The following PRKD1 variants were observed in gnomAD, a reference collection of about 807,000 sequenced individuals.
PRKD1 encodes serine/threonine-protein kinase D1.
PRKD1 carries 63 observed loss-of-function variants against 95.9 expected under a neutral mutation model. The observed-to-expected ratio is 0.66, with a 90% CI of 0.54 to 0.81. The LOEUF (loss-of-function observed/expected upper bound fraction) is 0.81. Among genes scored for constraint, PRKD1 ranks in the 30% least tolerant of loss-of-function variants. PRKD1 has a pLI of 0.00. For synonymous variants in PRKD1, 425 were observed against 423.1 expected (o/e 1.00, Z -0.05); for missense variants, 1,048 against 1,165.3 (o/e 0.90, Z 1.47).
chr14:29,677,079 TAAC>T (rs1246570132), intron 2 of PRKD1, among the ~76,000 whole-genome samples: 1 of 152,190 alleles, frequency 6.6e-6, no homozygotes, highest in Admixed American at 6.5e-5. Flanking sequence ...AGAGAGAATT[TAAC>T]AACAACAAAA....
rs193179032 is a variant in PRKD1, at chr14:29,853,960, C to A, written c.264+73289G>T. On this transcript the variant is annotated intron_variant, in intron 1 of 17. Transcript: ENST00000331968. The stretch of plus-strand genomic sequence containing the variant: ...CTTGCTTTCCACAATGATTGTGATA[C>A]CTCCCCAGCCATGTAGAACTGTAAG... 2.9e-3 allele frequency among the ~76,000 whole-genome samples: 449 copies of A among 152,290 alleles called. 4 individuals carry two copies. Among genetic ancestry groups the A allele is most frequent in the Non-Finnish European group, 4.8e-3 (324 of 68,026 alleles).
intron 1 of PRKD1, among the ~76,000 whole-genome samples, chr14:29,922,335 G>T (rs77231682): frequency 6.6e-6 from 1 of 150,432 alleles, no homozygotes; most frequent in Non-Finnish European, 1.5e-5. Flanking sequence ...AAGAAAAAAA[G>T]AAAAATGTAA....
chr14:29,779,862 G>A (rs1409182558), intron 1 of PRKD1, among the ~76,000 whole-genome samples: 1 of 152,128 alleles, frequency 6.6e-6, no homozygotes, highest in Non-Finnish European at 1.5e-5. Flanking sequence ...AAAGCTGGAG[G>A]CATCATGCTA....
At chr14:29,657,345 C>A (rs1266243960) in intron 4 of PRKD1, 1 of 152,186 alleles carries the variant, frequency 6.6e-6, no homozygotes, top group Non-Finnish European at 1.5e-5. Flanking sequence ...ATCAAAACTA[C>A]AATATAGTTC....
At chr14:29,916,482 C>T (rs1275027455) in intron 1 of PRKD1, among the ~76,000 whole-genome samples, 1 of 152,190 alleles carries the variant, frequency 6.6e-6, no homozygotes, top group Non-Finnish European at 1.5e-5. Flanking sequence ...AAAGTCATCA[C>T]CAAAGATTAA....
At chr14:29,924,324 A>G (rs924153367) in intron 1 of PRKD1, among the ~76,000 whole-genome samples, 2 of 152,266 alleles carry the variant, frequency 1.3e-5, no homozygotes, top group Admixed American at 6.5e-5. Flanking sequence ...TACCATCACA[A>G]TGTTTCAAGT....
intron 2 of PRKD1, among the ~76,000 whole-genome samples, chr14:29,677,239 CTG>C (rs1430162971): frequency 6.6e-6 from 1 of 152,176 alleles, no homozygotes; most frequent in East Asian, 1.9e-4. Context: ...TAGTCAGATT[CTG>C]TGTTAAACAT....
At chr14:29,911,770 G>A (rs555932977) in intron 1 of PRKD1, among the ~76,000 whole-genome samples, 20 of 152,210 alleles carry the variant, frequency 1.3e-4, no homozygotes, top group African/African-American at 4.8e-4. Flanking sequence ...TTACTGTTTC[G>A]GAGATCAGAA....
rs1894532423 is a variant in PRKD1, at chr14:29,907,442, C to G, written c.264+19807G>C. Among the ~76,000 whole-genome samples, 3 of 152,114 alleles carry G rather than the reference C, an allele frequency of 2.0e-5. No individual in the cohort carries two copies. In the South Asian group the frequency reaches 6.2e-4, roughly 31 times the overall value. On this transcript the variant is annotated intron_variant, in intron 1 of 17. Transcript: ENST00000331968. ...CAAGAAAATAATGAGACAAATCATTCATTCAATCATTCAGTGCCAGGCACT... is the reference window on the plus strand; with the variant it reads ...CAAGAAAATAATGAGACAAATCATTGATTCAATCATTCAGTGCCAGGCACT...
At chr14:29,689,403 A>G (rs1372801885) in intron 2 of PRKD1, among the ~76,000 whole-genome samples, 1 of 152,210 alleles carries the variant, frequency 6.6e-6, no homozygotes, top group Non-Finnish European at 1.5e-5. Context: ...CAAAATCTCA[A>G]TCAGATACCA....
At chr14:29,794,708 G>A (rs954721211) in intron 1 of PRKD1, among the ~76,000 whole-genome samples, 33 of 150,460 alleles carry the variant, frequency 2.2e-4, no homozygotes, top group Admixed American at 9.3e-4. Flanking sequence ...ATCCTCCCCC[G>A]TGCTCCCTAT....
intron 1 of PRKD1, among the ~76,000 whole-genome samples, chr14:29,811,581 C>A (rs544594362): frequency 6.6e-6 from 1 of 152,210 alleles, no homozygotes; most frequent in Admixed American, 6.5e-5. Flanking sequence ...TGTTCTAAGA[C>A]CTGTGGGGCT....
intron 2 of PRKD1, among the ~76,000 whole-genome samples, chr14:29,695,124 C>A (rs1367495718): frequency 6.6e-6 from 1 of 151,590 alleles, no homozygotes; most frequent in Non-Finnish European, 1.5e-5. Flanking sequence ...ATCCCAGCTA[C>A]TCAGGAGGCT....
chr14:29,677,891 G>A (rs1221953487), intron 2 of PRKD1, among the ~76,000 whole-genome samples: 1 of 152,150 alleles, frequency 6.6e-6, no homozygotes, highest in Non-Finnish European at 1.5e-5. Context: ...AACCTTGAAT[G>A]GACTGTGCCT....
intron 4 of PRKD1, among the ~76,000 whole-genome samples, chr14:29,656,777 G>A (rs1881869394): frequency 6.6e-6 from 1 of 152,244 alleles, no homozygotes; most frequent in South Asian, 2.1e-4. Context: ...AAAAAAAACA[G>A]CTCTACTTGT....
intron 16 of PRKD1, among the ~76,000 whole-genome samples, chr14:29,596,272 T>A (rs796981754): frequency 9.2e-5 from 14 of 152,338 alleles, no homozygotes; most frequent in African/African-American, 3.4e-4. Flanking sequence ...ACATAAGAGA[T>A]GTTTACAAAT....
At chr14:29,585,104 G>A (rs1260320986) in intron 16 of PRKD1, among the ~76,000 whole-genome samples, 1 of 151,758 alleles carries the variant, frequency 6.6e-6, no homozygotes, top group East Asian at 1.9e-4. Context: ...CTGTCACAGT[G>A]TAGTGCTTAG....
rs550729896 is a variant in PRKD1, at chr14:29,803,585, A to G, written c.265-77911T>C. On this transcript the variant is annotated intron_variant, in intron 1 of 17. Transcript: ENST00000331968. ...AAGCTGGAAACACAGCTGTTTTAAT[A>G]AAAACAGAGGATAAGAACTTGAGAC... Among the ~76,000 whole-genome samples the G allele has an allele frequency of 2.6e-4, 40 of 152,314 alleles. 1 individual carries two copies. Among genetic ancestry groups the G allele is most frequent in the African/African-American group, 9.6e-4 (40 of 41,580 alleles).
chr14:29,920,587 T>TACACACACACACACACACAC (rs5807556), intron 1 of PRKD1, among the ~76,000 whole-genome samples: 1 of 141,310 alleles, frequency 7.1e-6, no homozygotes, highest in African/African-American at 2.6e-5. Context: ...TCCAGTCTAA[T>TACACACACACACACACACAC]ACACACACAC....
Sources: gnomAD v4.1 joint callset for allele counts (sites outside exome capture counted in the v4.1 genomes callset) on GRCh38, gnomAD v4.1.1 for gene constraint, MANE v1.5 for transcripts, NCBI Gene and HGNC (gene_info 2026-07-23, HGNC 2026-07-21) for gene names.